TRAPPC8: variants seen among roughly 807,000 people sequenced by gnomAD.
TRAPPC8 encodes the protein general sporulation gene 1 homolog.
Under a neutral mutation model 174.3 loss-of-function variants are expected in TRAPPC8, and 54 were observed. The observed-to-expected ratio is 0.31, with a 90% CI of 0.25 to 0.39. The LOEUF is 0.39. Ranked by LOEUF, TRAPPC8 falls within the 10% of genes least tolerant of loss-of-function variation. The pLI, the probability that TRAPPC8 is intolerant of heterozygous loss-of-function variation, is 1.00. For missense variants in TRAPPC8, 1,531 were observed against 1,699.1 expected (o/e 0.90, Z 1.74); for synonymous variants, 630 against 579.9 (o/e 1.09, Z -1.24).
At chr18:31,869,478 G>A (rs1185801132) in intron 16 of TRAPPC8, among the ~76,000 whole-genome samples, 1 of 152,070 alleles carries the variant, frequency 6.6e-6, no homozygotes, top group Non-Finnish European at 1.5e-5. Context: ...AAACCAGCAG[G>A]GCACTACAAT....
intron 11 of TRAPPC8, among the ~76,000 whole-genome samples, chr18:31,894,971 G>A (rs1412729970): frequency 6.6e-6 from 1 of 152,184 alleles, no homozygotes; most frequent in African/African-American, 2.4e-5. Context: ...TACATCCTAT[G>A]CGGTGATAAA....
chr18:31,942,567 G>C, intron 1 of TRAPPC8, 41 bp downstream of exon 1: 2 of 1,488,456 alleles, frequency 1.3e-6, no homozygotes, highest in African/African-American at 1.4e-5. Context: ...CCCGACCACG[G>C]CTTTGCGGGA....
chr18:31,909,078 C>G, intron 6 of TRAPPC8, 68 bp from the exon 7 acceptor site: 1 of 1,368,838 alleles, frequency 7.3e-7, no homozygotes, highest in African/African-American at 1.5e-5. Context: ...TACTACCATA[C>G]TGCTAAAGAA....
intron 11 of TRAPPC8, among the ~76,000 whole-genome samples, chr18:31,892,526 A>G (rs2035998712): frequency 6.6e-6 from 1 of 152,200 alleles, no homozygotes; most frequent in Admixed American, 6.5e-5. Context: ...GAAACATTTG[A>G]ATAATTATTC....
At chr18:31,927,264 C>T (rs2037655894) in intron 2 of TRAPPC8, among the ~76,000 whole-genome samples, 1 of 151,944 alleles carries the variant, frequency 6.6e-6, no homozygotes, top group Admixed American at 6.6e-5. Flanking sequence ...TACACCACCA[C>T]ACCCAACTAA....
chr18:31,863,444 T>G (rs2034432166), intron 19 of TRAPPC8, among the ~76,000 whole-genome samples: 1 of 152,116 alleles, frequency 6.6e-6, no homozygotes. Flanking sequence ...GATGAAAAAC[T>G]AGAAGTAAAC....
At position 31,861,320 on chromosome 18, in the gene TRAPPC8, A is replaced by G. The variant is rs1246998314; in HGVS notation, c.2745+3307T>C. 3.3e-5 allele frequency among the ~76,000 whole-genome samples: 5 copies of G among 152,186 alleles called. No individual in the cohort carries two copies. In the East Asian group the frequency reaches 7.7e-4, roughly 23 times the overall value. ...CTCTTCAAGAACTGCCTCTATAACAAAATTTTTCTAAAATTGTGATATGCA... is the reference window on the plus strand; with the variant it reads ...CTCTTCAAGAACTGCCTCTATAACAGAATTTTTCTAAAATTGTGATATGCA... On this transcript the variant is annotated intron_variant, in intron 19 of 28. Coordinates refer to ENST00000283351, the MANE Select transcript of TRAPPC8 (RefSeq NM_014939.5).
At chr18:31,900,481 A>C (rs2036372627) in intron 10 of TRAPPC8, among the ~76,000 whole-genome samples, 1 of 152,120 alleles carries the variant, frequency 6.6e-6, no homozygotes. Flanking sequence ...CTATCCATCA[A>C]ATATCCCATG....
intron 6 of TRAPPC8, 110 bp from the exon 7 acceptor site, chr18:31,909,120 CT>C: frequency 9.4e-7 from 1 of 1,066,382 alleles, no homozygotes. Context: ...AATCCTTTAT[CT>C]TTCAGTATAG....
At chr18:31,891,109 G>T in intron 11 of TRAPPC8, 1 of 234,862 alleles carries the variant, frequency 4.3e-6, no homozygotes, top group Non-Finnish European at 8.2e-6. Flanking sequence ...CCACATGTCT[G>T]GTTATGATAT....
At chr18:31,908,564 A>C (rs2036764056) in intron 7 of TRAPPC8, 146 bp from the exon 8 acceptor site, 1 of 871,298 alleles carries the variant, frequency 1.1e-6, no homozygotes, top group African/African-American at 1.7e-5. Flanking sequence ...TGCTGGCAAA[A>C]TCCTATTGAA....
chr18:31,876,489 CAAAAAAA>C lies in TRAPPC8; in HGVS notation c.1729-1792_1729-1786del, dbSNP rs71175801. Among the ~76,000 whole-genome samples the C allele has an allele frequency of 1.1e-3, 52 of 48,714 alleles. 1 individual carries two copies. Among genetic ancestry groups the C allele is most frequent in the African/African-American group, 2.7e-3 (29 of 10,630 alleles). The allele number at this position is 48,714 out of a possible 152,430, so 32.0% of individuals were successfully genotyped here. A position where few individuals can be genotyped will look rare whatever the true frequency, so the allele number is the denominator to read the frequency against. On this transcript the variant is annotated intron_variant, in intron 12 of 28. Coordinates refer to ENST00000283351, the MANE Select transcript of TRAPPC8 (RefSeq NM_014939.5). ...TGGGCTACACTGCGAGACTCCATCT[CAAAAAAA>C]AAAAAAAAAAAAAAAAGATCACTTA...
At chr18:31,911,465 A>T (rs1309282299) in intron 5 of TRAPPC8, among the ~76,000 whole-genome samples, 2 of 149,498 alleles carry the variant, frequency 1.3e-5, no homozygotes, top group African/African-American at 5.0e-5. Context: ...AAAAAAAAAA[A>T]TTTCTGGCCG....
intron 12 of TRAPPC8, among the ~76,000 whole-genome samples, chr18:31,886,768 G>T (rs1460261947): frequency 6.6e-6 from 1 of 152,152 alleles, no homozygotes; most frequent in Non-Finnish European, 1.5e-5. Context: ...GGATCACGAG[G>T]TCAGGAGTTT....
chr18:31,883,133 G>T (rs1042925903), intron 12 of TRAPPC8, among the ~76,000 whole-genome samples: 5 of 149,966 alleles, frequency 3.3e-5, no homozygotes, highest in Non-Finnish European at 7.4e-5. Context: ...TGAGGCAGGA[G>T]AATCACTTGA....
chr18:31,882,635 G>A lies in TRAPPC8; in HGVS notation c.1729-7931C>T, dbSNP rs144522428. 7.3e-3 allele frequency among the ~76,000 whole-genome samples: 1,104 copies of A among 151,142 alleles called. 14 individuals are homozygous for A. Among genetic ancestry groups the A allele is most frequent in the African/African-American group, 0.026 (1,057 of 41,204 alleles). On this transcript the variant is annotated intron_variant, in intron 12 of 28. Transcript: ENST00000283351. ...AATTATTTTTATTTTTATTTTTTTC[G>A]AGACAGAGTCTCGCTCTGTCGCTCA...
rs1172255566 is a variant in TRAPPC8 at position 31,905,306 on chromosome 18, A to G, written c.1389+2154T>C. ...GCAGTATTATAAACTTATATCCTTC[A>G]GTAGGAAAGGAAAAAGCCCTGAGCT... On this transcript the variant is annotated intron_variant, in intron 9 of 28. Coordinates refer to ENST00000283351, the MANE Select transcript of TRAPPC8 (RefSeq NM_014939.5). Among the ~76,000 whole-genome samples the G allele has an allele frequency of 2.0e-5, 3 of 152,200 alleles. No individual in the cohort carries two copies. The East Asian group carries it at 5.8e-4, about 29-fold the overall frequency.
chr18:31,931,601 C>T lies in TRAPPC8; in HGVS notation c.158-78G>A, dbSNP rs567625367. The stretch of plus-strand genomic sequence containing the variant: ...AACCCAAAATTGGGCTGATGGTTTA[C>T]AAACAAAAAGGATGTACAAAGCAGA... On this transcript the variant is annotated intron_variant, in intron 1 of 28. Transcript: ENST00000283351. 1.0e-4 allele frequency: 116 copies of T among 1,138,592 alleles called. No individual in the cohort carries two copies. In the African/African-American group the frequency reaches 1.8e-3, roughly 17 times the overall value. The allele number at this position is 1,138,592 out of a possible 1,614,324, so 70.5% of individuals were successfully genotyped here.
At chr18:31,885,671 C>T (rs546331104) in intron 12 of TRAPPC8, among the ~76,000 whole-genome samples, 13 of 151,698 alleles carry the variant, frequency 8.6e-5, no homozygotes, top group African/African-American at 3.1e-4. Context: ...CCAACCTGAC[C>T]AACATGGAGA....
Sources: allele counts gnomAD v4.1 joint callset (sites outside exome capture counted in the v4.1 genomes callset), GRCh38; gene constraint gnomAD v4.1.1; transcripts MANE v1.5; gene names NCBI Gene and HGNC (gene_info 2026-07-23, HGNC 2026-07-21).